HMGB1: variants seen among roughly 807,000 people sequenced by gnomAD.
The protein encoded by HMGB1 is high mobility group box 1, also known as high mobility group protein B1.
For synonymous variants in HMGB1, 81 were observed against 84.0 expected, an observed-to-expected ratio of 0.96 and a Z score of 0.19; for missense variants, 79 against 253.5, an observed-to-expected ratio of 0.31 and a Z score of 4.67.
At chr13:30,587,738 T>C (rs551257962) in intron 1 of HMGB1, among the ~76,000 whole-genome samples, 1 of 152,248 alleles carries the variant, frequency 6.6e-6, no homozygotes, top group Non-Finnish European at 1.5e-5. Flanking sequence ...ATAGGGCTAT[T>C]ATAATTAACA....
chr13:30,477,824 T>C (rs1887132928), intron 1 of HMGB1, among the ~76,000 whole-genome samples: 1 of 152,110 alleles, frequency 6.6e-6, no homozygotes, highest in Non-Finnish European at 1.5e-5. Flanking sequence ...ACAGACAGCC[T>C]TACCATCCAA....
chr13:30,465,957 C>A (rs1244049926), upstream of HMGB1: 1 of 986,122 alleles, frequency 1.0e-6, no homozygotes, highest in African/African-American at 1.7e-5. Flanking sequence ...CAGCGCGGCT[C>A]CTATTGGCTA....
intron 1 of HMGB1, among the ~76,000 whole-genome samples, chr13:30,613,948 C>A: frequency 6.6e-6 from 1 of 150,380 alleles, no homozygotes; most frequent in East Asian, 1.9e-4. Flanking sequence ...AATAATGGTA[C>A]ATTATAAAAT....
At chr13:30,542,586 G>C (rs1221418325) in intron 1 of HMGB1, 1 of 159,384 alleles carries the variant, frequency 6.3e-6, no homozygotes, top group Non-Finnish European at 1.4e-5. Flanking sequence ...TTCCAATGCC[G>C]GCCAATCTCT....
rs1886176213 is a variant in HMGB1, at chr13:30,459,532, C to T, written c.*1825G>A. ...TCCTCTTAACAAAAAATCTGATGTT[C>T]GACACAATTGCAGCCTATCACTAAC... On this transcript the variant is annotated 3_prime_UTR_variant, in exon 5 of 5. Coordinates refer to ENST00000341423, the MANE Select transcript of HMGB1 (RefSeq NM_002128.7). 6.6e-6 allele frequency: 1 copy of T among 152,128 alleles called. No individual in the cohort carries two copies. Among genetic ancestry groups the T allele is most frequent in the Non-Finnish European group, 1.5e-5 (1 of 68,012 alleles). 9.4% of individuals were successfully genotyped at this position (152,128 alleles called of 1,614,324 possible).
In HMGB1 at chr13:30,482,878, C is replaced by T. The variant is rs577078543; in HGVS notation, c.-14-19184G>A. On this transcript the variant is annotated intron_variant, in intron 1 of 4. Coordinates refer to the HMGB1 transcript ENST00000405805. ...TCATAGCTCACTGTAGCCTTGACCT[C>T]CCGGGCTCAAGCCATCCTCATGCCT... Among the ~76,000 whole-genome samples, 116 of 152,054 alleles carry T rather than the reference C, an allele frequency of 7.6e-4. 1 individual carries two copies. Among genetic ancestry groups the T allele is most frequent in the African/African-American group, 2.7e-3 (111 of 41,452 alleles).
chr13:30,528,107 A>G (rs1292091619), intron 1 of HMGB1, among the ~76,000 whole-genome samples: 1 of 152,250 alleles, frequency 6.6e-6, no homozygotes, highest in East Asian at 1.9e-4. Context: ...GACCCAGAGC[A>G]GGGAACTCGG....
intron 1 of HMGB1, among the ~76,000 whole-genome samples, chr13:30,507,561 A>G (rs1312908266): frequency 6.6e-6 from 1 of 152,202 alleles, no homozygotes; most frequent in African/African-American, 2.4e-5. Flanking sequence ...TCTAAGGAAG[A>G]CTAGCACAGC....
chr13:30,579,622 G>A (rs1318194933), intron 1 of HMGB1, among the ~76,000 whole-genome samples: 1 of 152,066 alleles, frequency 6.6e-6, no homozygotes, highest in East Asian at 1.9e-4. Context: ...ACAAGTTTTA[G>A]TTTCCTCACT....
At chr13:30,615,731 T>C (rs754429898) in intron 1 of HMGB1, among the ~76,000 whole-genome samples, 2 of 152,132 alleles carry the variant, frequency 1.3e-5, no homozygotes, top group African/African-American at 2.4e-5. Flanking sequence ...GCCAAAGACT[T>C]GTATTGTGGT....
chr13:30,496,510 G>A (rs1026001259), intron 1 of HMGB1, among the ~76,000 whole-genome samples: 1 of 152,132 alleles, frequency 6.6e-6, no homozygotes, highest in Non-Finnish European at 1.5e-5. Flanking sequence ...AAAAGTACAT[G>A]GCAGTTCAGA....
At chr13:30,613,724 A>G (rs1324133547) in intron 1 of HMGB1, among the ~76,000 whole-genome samples, 1 of 152,210 alleles carries the variant, frequency 6.6e-6, no homozygotes, top group Non-Finnish European at 1.5e-5. Flanking sequence ...TGCTTACTTT[A>G]GAGTCAACAG....
chr13:30,613,238 C>T (rs534311512), intron 1 of HMGB1, among the ~76,000 whole-genome samples: 1 of 152,224 alleles, frequency 6.6e-6, no homozygotes, highest in African/African-American at 2.4e-5. Context: ...TGCCACCACA[C>T]CCTCGAACTC....
At chr13:30,517,738 G>T (rs535639541) in intron 1 of HMGB1, among the ~76,000 whole-genome samples, 1 of 152,278 alleles carries the variant, frequency 6.6e-6, no homozygotes, top group South Asian at 2.1e-4. Flanking sequence ...TTTGCTGTAG[G>T]TTATGCTTGT....
upstream of HMGB1, among the ~76,000 whole-genome samples, chr13:30,466,226 C>T (rs1434044415): frequency 1.3e-5 from 2 of 152,110 alleles, no homozygotes; most frequent in African/African-American, 4.8e-5. Context: ...GAGCGGCCGC[C>T]GGAGCGAAAA....
intron 1 of HMGB1, among the ~76,000 whole-genome samples, chr13:30,608,772 G>T (rs971603603): frequency 1.3e-5 from 2 of 152,164 alleles, no homozygotes; most frequent in Non-Finnish European, 2.9e-5. Context: ...GCTACCTTTT[G>T]AAACAACTTT....
At chr13:30,591,496 G>A (rs1225786719) in intron 1 of HMGB1, among the ~76,000 whole-genome samples, 1 of 151,350 alleles carries the variant, frequency 6.6e-6, no homozygotes, top group African/African-American at 2.4e-5. Context: ...GCTCTGTAAA[G>A]AGCACCAGGG....
At chr13:30,578,889 C>T (rs1183269588) in intron 1 of HMGB1, among the ~76,000 whole-genome samples, 3 of 152,204 alleles carry the variant, frequency 2.0e-5, no homozygotes, top group Non-Finnish European at 4.4e-5. Context: ...TATTCTCATT[C>T]ATTCCATATG....
intron 1 of HMGB1, among the ~76,000 whole-genome samples, chr13:30,544,654 A>T (rs1206856848): frequency 6.6e-6 from 1 of 152,172 alleles, no homozygotes; most frequent in African/African-American, 2.4e-5. Flanking sequence ...GGCCCTATGC[A>T]TCTTTCCCAT....
Sources: gnomAD v4.1 joint callset for allele counts (sites outside exome capture counted in the v4.1 genomes callset) on GRCh38, gnomAD v4.1.1 for gene constraint, MANE v1.5 for transcripts, NCBI Gene and HGNC (gene_info 2026-07-23, HGNC 2026-07-21) for gene names.